CADPS2: variants seen among roughly 807,000 people sequenced by gnomAD.
The protein encoded by CADPS2 is calcium dependent secretion activator 2, also known as calcium-dependent secretion activator 2.
CADPS2 carries 93 observed loss-of-function variants against 172.5 expected under a neutral mutation model. The ratio of observed to expected loss-of-function variants is 0.54; its 90% confidence interval spans 0.46 to 0.64. The LOEUF (loss-of-function observed/expected upper bound fraction) is 0.64, where lower values mean the gene tolerates loss of function less well. Among genes scored for constraint, CADPS2 ranks in the 30% least tolerant of loss-of-function variants. The pLI, the probability that CADPS2 is intolerant of heterozygous loss-of-function variation, is 0.00. For missense variants in CADPS2, 1,420 were observed against 1,565.9 expected, an observed-to-expected ratio of 0.91 and a Z score of 1.57; for synonymous variants, 546 against 555.2, an observed-to-expected ratio of 0.98 and a Z score of 0.23.
At chr7:122,339,551 C>T (rs978321236) in intron 28 of CADPS2, among the ~76,000 whole-genome samples, 4 of 152,174 alleles carry the variant, frequency 2.6e-5, no homozygotes, top group Non-Finnish European at 4.4e-5. Flanking sequence ...AGTAAATTCT[C>T]ACTTCAAAAA....
At chr7:122,694,673 A>G (rs997965544) in intron 2 of CADPS2, among the ~76,000 whole-genome samples, 2 of 152,222 alleles carry the variant, frequency 1.3e-5, no homozygotes, top group Admixed American at 1.3e-4. Flanking sequence ...CCCACTTATA[A>G]AACCAAGTAT....
At chr7:122,508,492 T>G in intron 9 of CADPS2, among the ~76,000 whole-genome samples, 1 of 132,836 alleles carries the variant, frequency 7.5e-6, no homozygotes, top group South Asian at 2.8e-4. Context: ...GGAGACAGCG[T>G]TTTGCTCTGT....
chr7:122,553,863 C>T (rs911400066), intron 8 of CADPS2, among the ~76,000 whole-genome samples: 1 of 152,088 alleles, frequency 6.6e-6, no homozygotes, highest in Non-Finnish European at 1.5e-5. Flanking sequence ...GGGATTTGGC[C>T]ATAGTAAGTC....
At chr7:122,546,436 G>C (rs2063625920) in intron 8 of CADPS2, among the ~76,000 whole-genome samples, 1 of 152,126 alleles carries the variant, frequency 6.6e-6, no homozygotes, top group Non-Finnish European at 1.5e-5. Flanking sequence ...TAATAGACAA[G>C]CTTGGACTAC....
At chr7:122,876,364 A>G (rs1821208837) in intron 1 of CADPS2, among the ~76,000 whole-genome samples, 1 of 152,084 alleles carries the variant, frequency 6.6e-6, no homozygotes, top group Non-Finnish European at 1.5e-5. Flanking sequence ...CTAATTTTAT[A>G]TTTATTTTTT....
chr7:122,326,075 CAAAA>C (rs35635790), intron 28 of CADPS2, among the ~76,000 whole-genome samples: 1 of 138,886 alleles, frequency 7.2e-6, no homozygotes, highest in Non-Finnish European at 1.5e-5. Context: ...GTAGCGATGG[CAAAA>C]AAAAAAAAAA....
chr7:122,431,928 G>T (rs1489356920), intron 17 of CADPS2, among the ~76,000 whole-genome samples: 1 of 140,084 alleles, frequency 7.1e-6, no homozygotes, highest in Non-Finnish European at 1.5e-5. Context: ...CGGGGGCGGG[G>T]GTGGGGGTGG....
At chr7:122,340,624 T>C (rs1370431545) in intron 28 of CADPS2, among the ~76,000 whole-genome samples, 2 of 152,086 alleles carry the variant, frequency 1.3e-5, no homozygotes, top group Non-Finnish European at 2.9e-5. Flanking sequence ...TCTGAAGAAA[T>C]GTACCAGGAT....
intron 20 of CADPS2, among the ~76,000 whole-genome samples, 192 bp downstream of exon 20, chr7:122,407,348 C>T (rs1425586052): frequency 1.3e-5 from 2 of 152,152 alleles, no homozygotes; most frequent in African/African-American, 2.4e-5. Flanking sequence ...CTTCAGAGCC[C>T]ACTGGAGTGT....
At chr7:122,376,393 C>T (rs1024930415) in intron 25 of CADPS2, among the ~76,000 whole-genome samples, 1 of 152,004 alleles carries the variant, frequency 6.6e-6, no homozygotes, top group Non-Finnish European at 1.5e-5. Context: ...TATTATTCAG[C>T]CTCAAAAGAA....
rs1010607038 is a variant in CADPS2, at chr7:122,730,825, T to G, written c.453+6130A>C. ...TAAATATTTCTTAAATTTGCCAACA[T>G]AAACATATACTACTTCTATTAAAAA... On this transcript the variant is annotated intron_variant, in intron 2 of 29. Transcript: ENST00000449022. Among the ~76,000 whole-genome samples the G allele has an allele frequency of 7.9e-5, 12 of 151,804 alleles. No individual in the cohort carries two copies. The East Asian group carries it at 1.5e-3, about 20-fold the overall frequency.
At chr7:122,548,902 G>T (rs565369517) in intron 8 of CADPS2, among the ~76,000 whole-genome samples, 1 of 152,158 alleles carries the variant, frequency 6.6e-6, no homozygotes, top group East Asian at 1.9e-4. Context: ...CACACAAAGA[G>T]CAACGAACTA....
intron 2 of CADPS2, among the ~76,000 whole-genome samples, chr7:122,734,164 CTT>C (rs1192813176): frequency 2.0e-5 from 3 of 150,924 alleles, no homozygotes; most frequent in African/African-American, 7.3e-5. Flanking sequence ...GGACAAGTCA[CTT>C]AACTTCATGA....
At chr7:122,864,155 C>T (rs1024538402) in intron 1 of CADPS2, among the ~76,000 whole-genome samples, 1 of 152,128 alleles carries the variant, frequency 6.6e-6, no homozygotes, top group African/African-American at 2.4e-5. Flanking sequence ...GTTTGGAATG[C>T]AGATGCTGTT....
intron 7 of CADPS2, among the ~76,000 whole-genome samples, chr7:122,569,785 G>C (rs2066969185): frequency 6.8e-6 from 1 of 146,208 alleles, no homozygotes; most frequent in South Asian, 2.2e-4. Context: ...ATGGGGAAAG[G>C]ATTCCCTATT....
intron 29 of CADPS2, among the ~76,000 whole-genome samples, chr7:122,323,664 T>C (rs535678198): frequency 1.4e-3 from 207 of 151,756 alleles, no homozygotes; most frequent in African/African-American, 4.6e-3. Flanking sequence ...AATGTGGAGA[T>C]TGTTATTCTC....
At chr7:122,499,189 C>A (rs1414181252) in intron 9 of CADPS2, among the ~76,000 whole-genome samples, 1 of 152,210 alleles carries the variant, frequency 6.6e-6, no homozygotes, top group Non-Finnish European at 1.5e-5. Flanking sequence ...TGCCCAAGGG[C>A]AGATTTTTTT....
intron 2 of CADPS2, among the ~76,000 whole-genome samples, chr7:122,688,859 C>A (rs886366668): frequency 1.3e-5 from 2 of 152,112 alleles, no homozygotes; most frequent in South Asian, 2.1e-4. Flanking sequence ...TCCACCCCCT[C>A]GGCCAAGGGA....
chr7:122,770,563 G>C (rs1443315821), intron 1 of CADPS2, among the ~76,000 whole-genome samples: 1 of 152,106 alleles, frequency 6.6e-6, no homozygotes, highest in African/African-American at 2.4e-5. Context: ...AGATACTTTT[G>C]TTTCATCTAA....
Sources: gnomAD v4.1 joint callset for allele counts (sites outside exome capture counted in the v4.1 genomes callset) on GRCh38, gnomAD v4.1.1 for gene constraint, MANE v1.5 for transcripts, NCBI Gene and HGNC (gene_info 2026-07-23, HGNC 2026-07-21) for gene names.